Variants in DPP10 observed in about 807,000 individuals in gnomAD.
DPP10 encodes dipeptidyl peptidase like 10.
DPP10 carries 33 observed loss-of-function variants against 120.9 expected under a neutral mutation model. The observed-to-expected ratio is 0.27, with a 90% CI of 0.21 to 0.37. The LOEUF (loss-of-function observed/expected upper bound fraction) is 0.37, where lower values mean the gene tolerates loss of function less well. Ranked by LOEUF, DPP10 falls within the 10% of genes least tolerant of loss-of-function variation. The pLI, the probability that DPP10 is intolerant of heterozygous loss-of-function variation, is 1.00. For synonymous variants in DPP10, 337 were observed against 326.1 expected (o/e 1.03, Z -0.36); for missense variants, 816 against 942.8 (o/e 0.87, Z 1.76).
intron 1 of DPP10, among the ~76,000 whole-genome samples, chr2:115,292,226 T>C (rs1279122970): frequency 1.3e-5 from 2 of 152,160 alleles, no homozygotes; most frequent in African/African-American, 4.8e-5. Flanking sequence ...ATCCTTATAG[T>C]AGACTTCATA....
At chr2:114,512,880 C>T (rs1274778241) in intron 1 of DPP10, among the ~76,000 whole-genome samples, 1 of 152,148 alleles carries the variant, frequency 6.6e-6, no homozygotes, top group African/African-American at 2.4e-5. Flanking sequence ...CACCTCTGAC[C>T]AGCCTCAAAC....
intron 1 of DPP10, among the ~76,000 whole-genome samples, chr2:114,903,807 T>C (rs1473908032): frequency 6.6e-6 from 1 of 152,146 alleles, no homozygotes; most frequent in African/African-American, 2.4e-5. Context: ...AGTGTATCTC[T>C]CCATGCACAT....
At chr2:115,660,900 T>C (rs2088906291) in intron 5 of DPP10, among the ~76,000 whole-genome samples, 1 of 152,050 alleles carries the variant, frequency 6.6e-6, no homozygotes, top group Non-Finnish European at 1.5e-5. Context: ...TGTGTCATCA[T>C]GAGAAAATCA....
In DPP10 at chr2:115,811,106, C is replaced by T. The variant is rs549743151; in HGVS notation, c.1701-3687C>T. Among the ~76,000 whole-genome samples the T allele has an allele frequency of 3.9e-5, 6 of 152,250 alleles. No individual in the cohort carries two copies. The South Asian group carries it at 1.2e-3, about 32-fold the overall frequency. The stretch of plus-strand genomic sequence containing the variant: ...GTGAACAAGTAATGTCCCTCATTTT[C>T]CTGCACATGCCTGATTTGTTCCTTA... On this transcript the variant is annotated intron_variant, in intron 19 of 25. Transcript: ENST00000410059.
At chr2:115,436,590 T>C (rs2071516636) in intron 3 of DPP10, among the ~76,000 whole-genome samples, 1 of 151,872 alleles carries the variant, frequency 6.6e-6, no homozygotes, top group Admixed American at 6.6e-5. Flanking sequence ...ACATAATCAA[T>C]CAACCACTTT....
At chr2:115,295,794 G>A (rs988921213) in intron 1 of DPP10, among the ~76,000 whole-genome samples, 2 of 151,828 alleles carry the variant, frequency 1.3e-5, no homozygotes, top group African/African-American at 2.4e-5. Flanking sequence ...TGTAAAGAAG[G>A]TATTAGAAAA....
chr2:114,965,983 AAAAAG>A (rs1412864418), intron 1 of DPP10, among the ~76,000 whole-genome samples: 1 of 146,600 alleles, frequency 6.8e-6, no homozygotes, highest in African/African-American at 2.6e-5. Flanking sequence ...AAAAAAAAAA[AAAAAG>A]AAAAAAAAAG....
intron 1 of DPP10, among the ~76,000 whole-genome samples, chr2:115,037,739 C>T (rs932438058): frequency 4.6e-5 from 7 of 152,224 alleles, no homozygotes; most frequent in African/African-American, 1.4e-4. Flanking sequence ...CTGCTTTGCT[C>T]CACTAAGTGT....
chr2:114,871,131 G>T (rs1249969129), intron 1 of DPP10, among the ~76,000 whole-genome samples: 1 of 134,434 alleles, frequency 7.4e-6, no homozygotes, highest in East Asian at 3.3e-4. Flanking sequence ...TTACCCTCTA[G>T]CTTTCCCGAT....
intron 3 of DPP10, among the ~76,000 whole-genome samples, chr2:115,467,898 A>G (rs1466306682): frequency 6.6e-6 from 1 of 152,152 alleles, no homozygotes; most frequent in Non-Finnish European, 1.5e-5. Flanking sequence ...ACTATGCAAC[A>G]GTTTTGCTAA....
intron 3 of DPP10, among the ~76,000 whole-genome samples, chr2:115,430,801 G>A (rs2070902325): frequency 6.6e-6 from 1 of 152,152 alleles, no homozygotes; most frequent in Non-Finnish European, 1.5e-5. Context: ...AATGGTAGAT[G>A]AGCAAATTGC....
intron 1 of DPP10, among the ~76,000 whole-genome samples, chr2:114,490,811 G>C (rs1681930435): frequency 6.6e-6 from 1 of 152,082 alleles, no homozygotes; most frequent in African/African-American, 2.4e-5. Context: ...TGTGAACTCA[G>C]AAAACTTGTG....
intron 1 of DPP10, among the ~76,000 whole-genome samples, chr2:114,462,508 C>T (rs752423116): frequency 3.1e-4 from 47 of 152,188 alleles, no homozygotes; most frequent in Non-Finnish European, 4.7e-4. Flanking sequence ...TGACTCAAGT[C>T]GATTTTGTCT....
chr2:114,444,577 A>AC (rs113399540), intron 1 of DPP10, among the ~76,000 whole-genome samples: 8,498 of 107,818 alleles, frequency 0.079, 397 homozygotes, highest in African/African-American at 0.17. Context: ...ACTGTGGAAC[A>AC]GAAAAAAAAA....
At chr2:115,081,300 C>T (rs1175274707) in intron 1 of DPP10, among the ~76,000 whole-genome samples, 2 of 152,156 alleles carry the variant, frequency 1.3e-5, no homozygotes, top group East Asian at 1.9e-4. Flanking sequence ...TAATCTCTCT[C>T]ATGTATAGTC....
chr2:114,688,949 T>A (rs1699551658), intron 1 of DPP10, among the ~76,000 whole-genome samples: 1 of 151,950 alleles, frequency 6.6e-6, no homozygotes, highest in African/African-American at 2.4e-5. Flanking sequence ...TGTGTCTGTG[T>A]CTGTCTGTGT....
chr2:115,204,098 T>A (rs551271357), intron 1 of DPP10, among the ~76,000 whole-genome samples: 1 of 147,740 alleles, frequency 6.8e-6, no homozygotes, highest in Non-Finnish European at 1.5e-5. Context: ...TTTAGGCTAC[T>A]TGTGAAGAAA....
At chr2:115,397,771 T>G (rs2067785790) in intron 3 of DPP10, among the ~76,000 whole-genome samples, 1 of 152,230 alleles carries the variant, frequency 6.6e-6, no homozygotes, top group African/African-American at 2.4e-5. Context: ...ATTTCTTGTC[T>G]GCCTTCTTTG....
intron 1 of DPP10, among the ~76,000 whole-genome samples, chr2:114,952,498 G>A (rs932892983): frequency 6.6e-5 from 10 of 152,100 alleles, no homozygotes; most frequent in Admixed American, 3.9e-4. Flanking sequence ...GCCACCACTC[G>A]TCATTTAGGA....
Sources: allele counts gnomAD v4.1 joint callset (sites outside exome capture counted in the v4.1 genomes callset), GRCh38; gene constraint gnomAD v4.1.1; transcripts MANE v1.5; gene names NCBI Gene and HGNC (gene_info 2026-07-23, HGNC 2026-07-21).